Variants in TAF7L observed in about 807,000 individuals in gnomAD.
The protein encoded by TAF7L is TATA-box binding protein associated factor 7 like, also known as transcription initiation factor TFIID subunit 7-like.
Under a neutral mutation model 30.2 loss-of-function variants are expected in TAF7L, and 6 were observed. The observed-to-expected ratio is 0.20, with a 90% confidence interval of 0.11 to 0.39. The LOEUF is 0.39. TAF7L is among the 10% of genes least tolerant of loss of function. TAF7L has a pLI of 1.00. For missense variants in TAF7L, 284 were observed against 277.1 expected (o/e 1.03, Z -0.18); for synonymous variants, 93 against 94.5 (o/e 0.98, Z 0.09).
At chrX:101,291,458 C>T (rs1924800805), upstream of TAF7L, 1 of 194,453 alleles carries the variant, frequency 5.1e-6, no homozygotes, top group Non-Finnish European at 7.9e-6. Context: ...GCCCGCTCAC[C>T]GCGTGCTGGG....
Position 101,286,626 on chromosome X carries a change from C to A in TAF7L, c.94G>T (p.Ala32Ser). The A allele has an allele frequency of 8.3e-7, 1 of 1,209,104 alleles. No individual in the cohort carries two copies. The highest frequency in any genetic ancestry group is 1.1e-6 in the Non-Finnish European group (1 of 894,055). The change falls in exon 3 of 13, where the codon GCA becomes TCA. Residue 32 changes from alanine (A) to serine (S), a missense_variant. Ala to Ser is a moderately conservative substitution (Grantham distance 99). Coordinates refer to ENST00000356784, the MANE Select transcript of TAF7L (RefSeq NM_001168474.2). The stretch of plus-strand genomic sequence containing the variant: ...TTCATCTTGACACTTTGAGAACGTG[C>A]TAGGTTCCTGACAGTACAAGCATGT... Reference protein sequence around the residue: ...LEHACTVRNLARSQSVKMKDK... With the variant: ...LEHACTVRNLSRSQSVKMKDK...
At chrX:101,276,967 T>C (rs1251098488) in intron 9 of TAF7L, among the ~76,000 whole-genome samples, 2 of 77,483 alleles carry the variant, frequency 2.6e-5, no homozygotes, top group African/African-American at 1.0e-4. Flanking sequence ...CCATCTCTAC[T>C]TACAAAAAAA....
intron 4 of TAF7L, among the ~76,000 whole-genome samples, chrX:101,283,223 T>A (rs949777322): frequency 8.9e-6 from 1 of 112,108 alleles, no homozygotes; most frequent in African/African-American, 3.2e-5. Context: ...TCACTATAAG[T>A]GGCAAATGGG....
intron 11 of TAF7L, among the ~76,000 whole-genome samples, chrX:101,275,695 A>G (rs1924140194): frequency 9.0e-6 from 1 of 111,625 alleles, no homozygotes; most frequent in African/African-American, 3.3e-5. Context: ...CAAGGATGTG[A>G]GGATAAAATG....
chrX:101,284,789 T>A (rs867033630), intron 3 of TAF7L, among the ~76,000 whole-genome samples: 1 of 105,143 alleles, frequency 9.5e-6, no homozygotes. Flanking sequence ...TTCTCTGTAT[T>A]AAAAAAAAAA....
Position 101,278,137 on chromosome X carries a change from G to T in TAF7L, c.505-16C>A. On this transcript the variant is annotated splice_polypyrimidine_tract_variant and intron_variant, in intron 7 of 12. Transcript: ENST00000356784. ...ATTCAATGTACTGAAGCAAAGTTGG[G>T]GATTAGAGGGGGATACCAATACTGT... The T allele has an allele frequency of 8.5e-7, 1 of 1,170,240 alleles. No homozygotes were observed. The highest frequency in any genetic ancestry group is 1.2e-6 in the Non-Finnish European group (1 of 858,132).
chrX:101,292,869 G>C (rs1201184384), upstream of TAF7L: 1 of 1,211,641 alleles, frequency 8.3e-7, no homozygotes, highest in East Asian at 3.0e-5. Context: ...TGTCCTCGTC[G>C]GCAGGAATCT....
chrX:101,279,647 TAAAG>T (rs1386978833), intron 6 of TAF7L, among the ~76,000 whole-genome samples: 1 of 106,163 alleles, frequency 9.4e-6, no homozygotes, highest in African/African-American at 3.6e-5. Flanking sequence ...AATAAATAAA[TAAAG>T]ATATGGACTC....
rs978440413 is a variant in TAF7L at position 101,291,226 on chromosome X, G to C, written c.-5C>G. 82 of 750,031 alleles carry C rather than the reference G, an allele frequency of 1.1e-4. No homozygotes were observed. The highest frequency in any genetic ancestry group is 1.1e-4 in the Non-Finnish European group (71 of 636,481). The allele number at this position is 750,031 out of a possible 1,213,427, so 61.8% of individuals were successfully genotyped here. ...GCCCGGTCGGCCGCCCGACTCACCC[G>C]CTCCTCCGGGAACTGGCGCCGACAC... On this transcript the variant is annotated splice_region_variant and 5_prime_UTR_variant, in exon 1 of 13. Coordinates refer to ENST00000356784, the MANE Select transcript of TAF7L (RefSeq NM_001168474.2).
chrX:101,273,116 A>G (rs777374128), intron 12 of TAF7L, among the ~76,000 whole-genome samples: 1 of 111,653 alleles, frequency 9.0e-6, no homozygotes, highest in Admixed American at 9.5e-5. Flanking sequence ...CATCTGTTAT[A>G]AAAACATTTT....
upstream of TAF7L, chrX:101,292,819 T>C (rs748940771): frequency 8.3e-7 from 1 of 1,210,629 alleles, no homozygotes; most frequent in South Asian, 1.8e-5. Flanking sequence ...TTCTGGGGCC[T>C]GGGCAGCAGC....
upstream of TAF7L, chrX:101,292,845 C>A (rs748167428): frequency 5.0e-6 from 6 of 1,211,523 alleles, no homozygotes; most frequent in Non-Finnish European, 6.7e-6. Context: ...CGCTGCTGTC[C>A]GCATCCGTTT....
At position 101,286,567 on chromosome X, in the gene TAF7L, C is replaced by G. The variant is rs1224713739; in HGVS notation, c.145+8G>C. The G allele has an allele frequency of 4.3e-6, 5 of 1,174,218 alleles. No individual in the cohort carries two copies. Among genetic ancestry groups the G allele is most frequent in the Non-Finnish European group, 5.8e-6 (5 of 863,483 alleles). ...TCAATGTATAGTGAATGGATATTAA[C>G]TACTTACGCAATAAGTCAATTTTTA... On this transcript the variant is annotated splice_region_variant and intron_variant, in intron 3 of 12. Coordinates refer to ENST00000356784, the MANE Select transcript of TAF7L (RefSeq NM_001168474.2).
At position 101,277,709 on chromosome X, in the gene TAF7L, G is replaced by T; in HGVS notation, c.588C>A (p.Val196=). ...DAEAVSTRWE[V]IAEDGTKEIE... is the part of the protein sequence containing the mutation. ...TTTCCTTGGTTCCATCTTCAGCAAT[G>T]ACTTCCCAACCTGAAAGGAGTGGGT... The change falls in exon 9 of 13, where the codon GTC becomes GTA. Residue 196 remains valine (V), a synonymous_variant. Coordinates refer to ENST00000356784, the MANE Select transcript of TAF7L (RefSeq NM_001168474.2). 1 of 1,191,616 alleles carries T rather than the reference G, an allele frequency of 8.4e-7. No individual in the cohort carries two copies. The highest frequency in any genetic ancestry group is 1.1e-6 in the Non-Finnish European group (1 of 882,558).
chrX:101,286,725 A>C, intron 2 of TAF7L, 72 bp from the exon 3 acceptor site: 6 of 777,208 alleles, frequency 7.7e-6, no homozygotes, highest in Non-Finnish European at 1.1e-5. Context: ...TAGATATATC[A>C]AAGAAAGCCC....
intron 12 of TAF7L, among the ~76,000 whole-genome samples, chrX:101,270,472 T>A (rs5966747): frequency 0.45 from 49,387 of 108,595 alleles, 9,338 homozygotes; most frequent in African/African-American, 0.7. Flanking sequence ...CCACCCCCTA[T>A]AGATAGGTTT....
rs1313792894 is a variant in TAF7L, at chrX:101,282,320, G to A, written c.406+7C>T. On this transcript the variant is annotated splice_region_variant and intron_variant, in intron 5 of 12. Transcript: ENST00000356784. ...CAGCAGGAATGAGCAAGGGGCTGGT[G>A]ACTTACTGCCATGCTTCCAGACACA... 2.5e-6 allele frequency: 3 copies of A among 1,210,965 alleles called. No individual in the cohort carries two copies.
rs751950276 is a variant in TAF7L at position 101,276,365 on chromosome X, C to A, written c.855G>T (p.Leu285=). The change falls in exon 10 of 13, where the codon CTG becomes CTT. Residue 285 remains leucine, a synonymous_variant. Coordinates refer to ENST00000356784, the MANE Select transcript of TAF7L (RefSeq NM_001168474.2). The part of the protein sequence containing the change: ...DCSEEYLERQ[L]QAEFIESGQY... ...GGCCAGATTCAATAAACTCGGCCTG[C>A]AGCTGCCTTTCCAGATACTCTTCAG... 8 of 1,211,501 alleles carry A rather than the reference C, an allele frequency of 6.6e-6. No homozygotes were observed. The South Asian group carries it at 1.4e-4, about 21-fold the overall frequency.
At chrX:101,283,885 C>T (rs1430574588) in intron 3 of TAF7L, among the ~76,000 whole-genome samples, 1 of 108,564 alleles carries the variant, frequency 9.2e-6, no homozygotes, top group East Asian at 2.8e-4. Flanking sequence ...AAAGCAAATT[C>T]CATTCATTAA....
Sources: gnomAD v4.1 joint callset for allele counts (sites outside exome capture counted in the v4.1 genomes callset) on GRCh38, gnomAD v4.1.1 for gene constraint, MANE v1.5 for transcripts, NCBI Gene and HGNC (gene_info 2026-07-23, HGNC 2026-07-21) for gene names.